Variants in RIMS2 observed in about 807,000 individuals in gnomAD.
RIMS2 encodes regulating synaptic membrane exocytosis protein 2.
In RIMS2, 59 loss-of-function variants were observed where a neutral mutation model predicts 174.4. The observed-to-expected ratio is 0.34, with a 90% confidence interval of 0.27 to 0.42. RIMS2 has a LOEUF of 0.42. RIMS2 is among the 10% of genes least tolerant of loss of function. RIMS2 has a pLI of 1.00. For missense variants in RIMS2, 1,620 were observed against 1,666.3 expected (o/e 0.97, Z 0.48); for synonymous variants, 606 against 572.5 (o/e 1.06, Z -0.84).
intron 3 of RIMS2, among the ~76,000 whole-genome samples, chr8:103,841,249 T>G (rs920093364): frequency 4.6e-5 from 7 of 152,338 alleles, no homozygotes; most frequent in Non-Finnish European, 8.8e-5. Context: ...TTTTGACTTT[T>G]ATATCCAGAA....
intron 1 of RIMS2, among the ~76,000 whole-genome samples, chr8:103,677,525 T>G (rs2096830058): frequency 6.6e-6 from 1 of 152,090 alleles, no homozygotes; most frequent in Non-Finnish European, 1.5e-5. Context: ...AATCCATGGA[T>G]CTTAAGAATC....
exon 22 of RIMS2, chr8:104,249,557 T>C (rs1316620183): frequency 6.2e-7 from 1 of 1,611,332 alleles, no homozygotes; most frequent in East Asian, 2.2e-5. Flanking sequence ...CCCGTGGCCT[T>C]GTTGTAAAAC....
At chr8:104,125,150 C>A (rs533088499) in intron 19 of RIMS2, among the ~76,000 whole-genome samples, 4 of 152,234 alleles carry the variant, frequency 2.6e-5, no homozygotes, top group African/African-American at 9.6e-5. Context: ...ACATATAAAT[C>A]TGGATGTCTA....
intron 16 of RIMS2, among the ~76,000 whole-genome samples, chr8:103,980,260 G>A (rs1168497206): frequency 6.6e-6 from 1 of 152,166 alleles, no homozygotes; most frequent in Non-Finnish European, 1.5e-5. Flanking sequence ...CAGTAGGAGA[G>A]AGAACGAGGC....
intron 1 of RIMS2, among the ~76,000 whole-genome samples, chr8:103,585,854 C>G (rs1661159912): frequency 6.6e-6 from 1 of 150,678 alleles, no homozygotes; most frequent in Non-Finnish European, 1.5e-5. Flanking sequence ...GTGTAACAAA[C>G]CTGCACTTTC....
intron 3 of RIMS2, chr8:103,768,950 G>A (rs1021051710): frequency 1.7e-4 from 69 of 396,516 alleles, no homozygotes; most frequent in South Asian, 1.0e-3. Flanking sequence ...AAACAGAAGC[G>A]TCAGGAACAA....
At chr8:103,567,921 C>T (rs1370173100) in intron 1 of RIMS2, among the ~76,000 whole-genome samples, 1 of 152,098 alleles carries the variant, frequency 6.6e-6, no homozygotes, top group East Asian at 1.9e-4. Context: ...TGATGGTGAG[C>T]ATCTTTTCAT....
In RIMS2 at chr8:103,592,536, A is replaced by G. The variant is rs894066890; in HGVS notation, c.176+91474A>G. On this transcript the variant is annotated intron_variant, in intron 1 of 23. Coordinates refer to ENST00000504942, the Ensembl canonical transcript of RIMS2. ...TTAGATAAAACAAAGATTCAAAACT[A>G]TACAAATCCAATATATGACATAGAA... Among the ~76,000 whole-genome samples, 8 of 151,330 alleles carry G rather than the reference A, an allele frequency of 5.3e-5. 1 individual carries two copies. Among genetic ancestry groups the G allele is most frequent in the Middle Eastern group, 3.2e-3 (1 of 316 alleles).
At chr8:103,579,274 G>GACACAC (rs781702059) in intron 1 of RIMS2, among the ~76,000 whole-genome samples, 176 of 149,128 alleles carry the variant, frequency 1.2e-3, no homozygotes, top group African/African-American at 3.1e-3. Context: ...CACACACACA[G>GACACAC]ACACACACAC....
chr8:103,655,248 T>A (rs1033921628), intron 1 of RIMS2, among the ~76,000 whole-genome samples: 1 of 151,998 alleles, frequency 6.6e-6, no homozygotes, highest in Admixed American at 6.6e-5. Flanking sequence ...AATTTTAATA[T>A]TACTTTCTCT....
chr8:103,962,027 C>A (rs1190506508), intron 15 of RIMS2, among the ~76,000 whole-genome samples: 1 of 152,188 alleles, frequency 6.6e-6, no homozygotes. Context: ...AGAAATATTT[C>A]TCATGATTGC....
exon 4 of RIMS2, chr8:103,885,474 G>A: frequency 6.2e-7 from 1 of 1,612,742 alleles, no homozygotes; most frequent in Non-Finnish European, 8.5e-7. Flanking sequence ...GATCATTTAA[G>A]TTATAGGGAC....
intron 1 of RIMS2, among the ~76,000 whole-genome samples, chr8:103,570,994 T>G (rs1026672476): frequency 5.3e-5 from 8 of 152,234 alleles, no homozygotes; most frequent in Admixed American, 4.6e-4. Flanking sequence ...TTGACTGTTC[T>G]TGTACTGTCC....
intron 19 of RIMS2, among the ~76,000 whole-genome samples, chr8:104,083,240 T>C (rs956031623): frequency 1.3e-5 from 2 of 152,222 alleles, no homozygotes; most frequent in African/African-American, 4.8e-5. Flanking sequence ...GCCTTGACTC[T>C]TTTCAGCACA....
At chr8:104,169,258 G>C (rs1026069657) in intron 19 of RIMS2, among the ~76,000 whole-genome samples, 1 of 147,300 alleles carries the variant, frequency 6.8e-6, no homozygotes, top group Non-Finnish European at 1.5e-5. Context: ...ATGTCTGATA[G>C]AATTCAGCTG....
chr8:103,759,843 T>C (rs1444146478), intron 2 of RIMS2, among the ~76,000 whole-genome samples: 1 of 152,182 alleles, frequency 6.6e-6, no homozygotes. Context: ...AGTGCAAGTC[T>C]GTCTAAGTTG....
chr8:103,669,291 T>A (rs1307316431), intron 1 of RIMS2, among the ~76,000 whole-genome samples: 1 of 152,216 alleles, frequency 6.6e-6, no homozygotes, highest in Non-Finnish European at 1.5e-5. Context: ...CCCCCTGGGT[T>A]CTTCCCAAAA....
intron 1 of RIMS2, among the ~76,000 whole-genome samples, chr8:103,690,414 C>T (rs528281994): frequency 1.7e-4 from 26 of 152,164 alleles, no homozygotes; most frequent in African/African-American, 6.3e-4. Flanking sequence ...GTCAGTTTCT[C>T]CTGTGGTGTG....
rs2098484507 is a variant in RIMS2, at chr8:103,790,259, A to G, written c.698+23722A>G. On this transcript the variant is annotated intron_variant, in intron 3 of 23. Transcript: ENST00000504942. ...TTGTGCCCATTAGCAGTCACTTGTC[A>G]TTCTTCTCTTTCCTCAGTCCTCTGG... Among the ~76,000 whole-genome samples, 4 of 152,318 alleles carry G rather than the reference A, an allele frequency of 2.6e-5. No individual in the cohort carries two copies. The South Asian group carries it at 8.3e-4, about 32-fold the overall frequency.
Sources: allele counts gnomAD v4.1 joint callset (sites outside exome capture counted in the v4.1 genomes callset), GRCh38; gene constraint gnomAD v4.1.1; transcripts MANE v1.5; gene names NCBI Gene and HGNC (gene_info 2026-07-23, HGNC 2026-07-21).